B3GALT1: variants seen among roughly 807,000 people sequenced by gnomAD.
B3GALT1 encodes the protein beta-1,3-galactosyltransferase 1.
Under a neutral mutation model 23.2 loss-of-function variants are expected in B3GALT1, and 10 were observed. The ratio of observed to expected loss-of-function variants is 0.43; its 90% CI spans 0.27 to 0.73. The LOEUF (loss-of-function observed/expected upper bound fraction) is 0.73. B3GALT1 is among the 30% of genes least tolerant of loss of function. The probability of loss-of-function intolerance (pLI) is 0.21; values close to 1 mark genes in which losing one functional copy is unlikely to be tolerated. For synonymous variants in B3GALT1, 156 were observed against 141.5 expected, an observed-to-expected ratio of 1.10 and a Z score of -0.73; for missense variants, 299 against 405.4, an observed-to-expected ratio of 0.74 and a Z score of 2.25.
At chr2:167,809,697 G>A (rs1054415211) in intron 3 of B3GALT1, among the ~76,000 whole-genome samples, 1 of 152,182 alleles carries the variant, frequency 6.6e-6, no homozygotes, top group Non-Finnish European at 1.5e-5. Flanking sequence ...TGCCCCTACT[G>A]GGGGGTGCCT....
At chr2:167,684,312 C>T (rs1373529646) in intron 3 of B3GALT1, among the ~76,000 whole-genome samples, 2 of 152,158 alleles carry the variant, frequency 1.3e-5, no homozygotes, top group Non-Finnish European at 2.9e-5. Flanking sequence ...CTACAAATTA[C>T]CTAAATTTTT....
chr2:167,808,136 T>C (rs1427160579), intron 3 of B3GALT1, among the ~76,000 whole-genome samples: 1 of 151,520 alleles, frequency 6.6e-6, no homozygotes, highest in Non-Finnish European at 1.5e-5. Flanking sequence ...CCTGCCTTTT[T>C]TTGTTTTCCA....
chr2:167,563,859 CAGA>C (rs1286647241), intron 2 of B3GALT1, among the ~76,000 whole-genome samples: 1 of 145,414 alleles, frequency 6.9e-6, no homozygotes, highest in African/African-American at 2.5e-5. Context: ...GGCGGCCGGG[CAGA>C]GGCGCCCCTC....
intron 3 of B3GALT1, among the ~76,000 whole-genome samples, chr2:167,684,678 A>G (rs1296895942): frequency 6.6e-6 from 1 of 152,254 alleles, no homozygotes; most frequent in Non-Finnish European, 1.5e-5. Flanking sequence ...TCAAAATCCA[A>G]TGGCTTTAGC....
At chr2:167,428,310 A>G (rs1465383884) in intron 1 of B3GALT1, among the ~76,000 whole-genome samples, 1 of 152,234 alleles carries the variant, frequency 6.6e-6, no homozygotes, top group African/African-American at 2.4e-5. Flanking sequence ...AGAAAAGTAT[A>G]TCACTTACTT....
intron 3 of B3GALT1, among the ~76,000 whole-genome samples, chr2:167,653,625 G>C (rs78575561): frequency 0.016 from 2,441 of 152,232 alleles, 100 homozygotes; most frequent in East Asian, 0.12. Context: ...CATTCCTTCA[G>C]CATGATATTT....
intron 3 of B3GALT1, among the ~76,000 whole-genome samples, chr2:167,813,232 C>A (rs1688927420): frequency 1.3e-5 from 2 of 152,108 alleles, no homozygotes; most frequent in Non-Finnish European, 2.9e-5. Flanking sequence ...TATATCTCAT[C>A]AATTCATTTA....
chr2:167,645,821 T>C (rs1485078807), intron 2 of B3GALT1, among the ~76,000 whole-genome samples: 6 of 152,122 alleles, frequency 3.9e-5, no homozygotes, highest in African/African-American at 1.4e-4. Flanking sequence ...TCTGCCTGCC[T>C]TGGCCTCCCA....
At chr2:167,773,693 G>A (rs1448488120) in intron 3 of B3GALT1, among the ~76,000 whole-genome samples, 2 of 152,190 alleles carry the variant, frequency 1.3e-5, no homozygotes, top group Non-Finnish European at 2.9e-5. Flanking sequence ...CATGGAGACC[G>A]CTCAACTACT....
rs949585578 is a variant in B3GALT1 at position 167,613,205 on chromosome 2, GA to G, written c.-409-33697del. ...AGATTTTTATCCTACGTAAATAATT[GA>G]AAAAAAGTTTTAATGTTAACGAAGT... On this transcript the variant is annotated intron_variant, in intron 2 of 4. Coordinates refer to ENST00000392690, the MANE Select transcript of B3GALT1 (RefSeq NM_020981.4). Among the ~76,000 whole-genome samples the G allele has an allele frequency of 8.2e-4, 124 of 151,602 alleles. 1 individual carries two copies. Among genetic ancestry groups the G allele is most frequent in the East Asian group, 9.7e-4 (5 of 5,154 alleles).
intron 2 of B3GALT1, among the ~76,000 whole-genome samples, chr2:167,507,892 T>C (rs1699945516): frequency 6.6e-6 from 1 of 152,214 alleles, no homozygotes; most frequent in Admixed American, 6.5e-5. Flanking sequence ...TGCTATAGAC[T>C]AGGTGGCTTA....
chr2:167,789,377 A>G (rs1241748371), intron 3 of B3GALT1, among the ~76,000 whole-genome samples: 1 of 152,156 alleles, frequency 6.6e-6, no homozygotes, highest in Non-Finnish European at 1.5e-5. Flanking sequence ...TCATACTAGT[A>G]TGTTCCTTAA....
At chr2:167,516,942 CTG>C (rs924941967) in intron 2 of B3GALT1, among the ~76,000 whole-genome samples, 10 of 105,136 alleles carry the variant, frequency 9.5e-5, no homozygotes, top group African/African-American at 3.4e-4. Flanking sequence ...ATAAGTACTT[CTG>C]TGTGTGTATA....
At chr2:167,538,658 G>A (rs1035323384) in intron 2 of B3GALT1, among the ~76,000 whole-genome samples, 3 of 152,052 alleles carry the variant, frequency 2.0e-5, no homozygotes, top group Non-Finnish European at 4.4e-5. Flanking sequence ...CTCCAAACTC[G>A]GTCTGTTTTG....
At chr2:167,457,500 T>C (rs186378507) in intron 1 of B3GALT1, among the ~76,000 whole-genome samples, 3 of 151,890 alleles carry the variant, frequency 2.0e-5, no homozygotes, top group South Asian at 2.1e-4. Context: ...AGAATGGCCA[T>C]TGTACTCCTT....
At chr2:167,675,984 T>TG (rs1686417299) in intron 3 of B3GALT1, among the ~76,000 whole-genome samples, 1 of 151,668 alleles carries the variant, frequency 6.6e-6, no homozygotes, top group Admixed American at 6.6e-5. Flanking sequence ...CTCCCAGAAA[T>TG]GGTACCGAGG....
At position 167,869,008 on chromosome 2, in the gene B3GALT1, TC is replaced by T; in HGVS notation, c.-31del. ...AACTAGTGCCAAGGAGGCGTATTCTTCAATATTTGGAATAGACGTGTTCTCA... is the reference window on the plus strand; with the variant it reads ...AACTAGTGCCAAGGAGGCGTATTCTTAATATTTGGAATAGACGTGTTCTCA... On this transcript the variant is annotated 5_prime_UTR_variant, in exon 5 of 5. An upstream open reading frame in the 5' UTR loses its in-frame stop. Transcript: ENST00000392690. This position sits in a 1 kb window ranked among gnomAD's most constrained non-coding sequence, Gnocchi z 6.4. The T allele has an allele frequency of 6.5e-7, 1 of 1,547,418 alleles. No homozygotes were observed. The highest frequency in any genetic ancestry group is 8.7e-7 in the Non-Finnish European group (1 of 1,149,350).
Position 167,552,132 on chromosome 2 carries a change from G to T in B3GALT1, c.-410+61855G>T, listed in dbSNP as rs1328367307. Among the ~76,000 whole-genome samples, 2 of 152,206 alleles carry T rather than the reference G, an allele frequency of 1.3e-5. 1 individual carries two copies. The highest frequency in any genetic ancestry group is 4.8e-5 in the African/African-American group (2 of 41,456). ...AAATTCTCAGTATTGGAAGCAAGGA[G>T]AATTGGGTCTAACTTTCCCCCTAAC... is the stretch of plus-strand genomic sequence containing the variant. On this transcript the variant is annotated intron_variant, in intron 2 of 4. Coordinates refer to ENST00000392690, the MANE Select transcript of B3GALT1 (RefSeq NM_020981.4).
intron 1 of B3GALT1, among the ~76,000 whole-genome samples, chr2:167,326,897 C>A (rs1002279815): frequency 6.6e-6 from 1 of 152,102 alleles, no homozygotes; most frequent in South Asian, 2.1e-4. Flanking sequence ...GCCACGTTGG[C>A]CAGGCTGGTC....
Sources: allele counts gnomAD v4.1 joint callset (sites outside exome capture counted in the v4.1 genomes callset), GRCh38; gene constraint gnomAD v4.1.1; non-coding constraint Gnocchi (gnomAD v3.1); transcripts MANE v1.5; gene names NCBI Gene and HGNC (gene_info 2026-07-23, HGNC 2026-07-21).